Variants in EPHA6 observed in about 807,000 individuals in gnomAD.
EPHA6 encodes EPH receptor A6.
EPHA6 carries 50 observed loss-of-function variants against 112.0 expected under a neutral mutation model. That is an observed-to-expected ratio of 0.45 (90% confidence interval 0.36 to 0.56). The LOEUF (loss-of-function observed/expected upper bound fraction) is 0.56. EPHA6 is among the 20% of genes least tolerant of loss of function. The pLI, the probability that EPHA6 is intolerant of heterozygous loss-of-function variation, is 0.00. For synonymous variants in EPHA6, 529 were observed against 490.7 expected (o/e 1.08, Z -1.03); for missense variants, 1,280 against 1,417.4 (o/e 0.90, Z 1.56).
chr3:97,505,721 G>A (rs2092233478), intron 10 of EPHA6, among the ~76,000 whole-genome samples: 1 of 152,126 alleles, frequency 6.6e-6, no homozygotes, highest in South Asian at 2.1e-4. Context: ...GGATTGCTGG[G>A]TCAAATGGTA....
chr3:96,882,711 G>A (rs775254915), intron 2 of EPHA6, among the ~76,000 whole-genome samples: 90 of 148,242 alleles, frequency 6.1e-4, no homozygotes, highest in Non-Finnish European at 9.5e-4. Context: ...TTAAGGATTC[G>A]TAGTATTCCA....
Position 97,748,715 on chromosome 3 carries a change from A to G in EPHA6, c.*14A>G, listed in dbSNP as rs761087694. 1 of 1,405,412 alleles carries G rather than the reference A, an allele frequency of 7.1e-7. No individual in the cohort carries two copies. The highest frequency in any genetic ancestry group is 1.0e-6 in the Non-Finnish European group (1 of 991,322). The allele number at this position is 1,405,412 out of a possible 1,614,324, so 87.1% of individuals were successfully genotyped here. On this transcript the variant is annotated 3_prime_UTR_variant, in exon 18 of 18. Transcript: ENST00000389672. ...TTTCATGTATGAAAGTACCACAAGC[A>G]CCTGTGTTTTGTGCCTCAGCATTTC...
intron 3 of EPHA6, among the ~76,000 whole-genome samples, chr3:97,160,233 T>C (rs1037357070): frequency 2.6e-5 from 4 of 152,088 alleles, no homozygotes; most frequent in Non-Finnish European, 5.9e-5. Flanking sequence ...TCCTCCTCTG[T>C]GAAGGTCATT....
At chr3:97,488,629 G>T (rs1181622873) in intron 10 of EPHA6, among the ~76,000 whole-genome samples, 1 of 152,028 alleles carries the variant, frequency 6.6e-6, no homozygotes, top group African/African-American at 2.4e-5. Context: ...ACAAATGTAG[G>T]CAATATTCCA....
At chr3:97,100,063 T>C (rs1006330317) in intron 3 of EPHA6, among the ~76,000 whole-genome samples, 2 of 151,838 alleles carry the variant, frequency 1.3e-5, no homozygotes, top group Non-Finnish European at 2.9e-5. Flanking sequence ...CACAGTTTAT[T>C]TGGGTACTAT....
chr3:97,550,316 G>T (rs2093012282), intron 11 of EPHA6, among the ~76,000 whole-genome samples: 1 of 152,218 alleles, frequency 6.6e-6, no homozygotes, highest in Non-Finnish European at 1.5e-5. Context: ...CTTCCAAGAT[G>T]CCCTCTTGAA....
chr3:97,056,980 T>C (rs1334819199), intron 3 of EPHA6, among the ~76,000 whole-genome samples: 2 of 152,162 alleles, frequency 1.3e-5, no homozygotes, highest in African/African-American at 4.8e-5. Context: ...ATAAGAAAAT[T>C]TGAGAAATAG....
intron 12 of EPHA6, among the ~76,000 whole-genome samples, chr3:97,595,734 C>T (rs968876559): frequency 2.7e-5 from 4 of 150,918 alleles, no homozygotes; most frequent in African/African-American, 9.8e-5. Flanking sequence ...GGAGAATAAA[C>T]GAAATAAGAG....
At chr3:97,281,199 C>CTA (rs775586188) in intron 5 of EPHA6, among the ~76,000 whole-genome samples, 2 of 67,974 alleles carry the variant, frequency 2.9e-5, no homozygotes, top group African/African-American at 1.2e-4. Context: ...TTCAAAGAGT[C>CTA]TATGTGTGTG....
At chr3:97,662,516 A>G (rs2094176649) in intron 14 of EPHA6, among the ~76,000 whole-genome samples, 1 of 152,130 alleles carries the variant, frequency 6.6e-6, no homozygotes, top group African/African-American at 2.4e-5. Context: ...CTCTGAGAGA[A>G]TGCATCCCAG....
chr3:97,335,060 T>A (rs2082993365), intron 5 of EPHA6, among the ~76,000 whole-genome samples: 1 of 152,192 alleles, frequency 6.6e-6, no homozygotes, highest in Admixed American at 6.6e-5. Flanking sequence ...ACAACAGACA[T>A]GTGTTTCCAC....
chr3:97,074,323 A>C (rs1190678317), intron 3 of EPHA6, among the ~76,000 whole-genome samples: 1 of 151,996 alleles, frequency 6.6e-6, no homozygotes, highest in Non-Finnish European at 1.5e-5. Flanking sequence ...TATATTTTAG[A>C]TTTTTGATAC....
At chr3:97,623,523 G>A (rs2093830304) in intron 13 of EPHA6, among the ~76,000 whole-genome samples, 1 of 151,582 alleles carries the variant, frequency 6.6e-6, no homozygotes, top group Admixed American at 6.6e-5. Flanking sequence ...AAGCCCAAGG[G>A]TAATGGCTTA....
intron 3 of EPHA6, among the ~76,000 whole-genome samples, chr3:97,015,232 C>T (rs1052547947): frequency 1.3e-5 from 2 of 152,092 alleles, no homozygotes; most frequent in African/African-American, 4.8e-5. Context: ...TTGCTGAAAC[C>T]TTATACTGTA....
intron 5 of EPHA6, among the ~76,000 whole-genome samples, chr3:97,273,953 G>A (rs1177531029): frequency 2.0e-5 from 3 of 152,278 alleles, no homozygotes; most frequent in East Asian, 3.9e-4. Context: ...CTGGGCAGGG[G>A]CAAATCCCCG....
intron 2 of EPHA6, among the ~76,000 whole-genome samples, chr3:96,929,589 G>A (rs1346350423): frequency 6.6e-6 from 1 of 152,186 alleles, no homozygotes; most frequent in Non-Finnish European, 1.5e-5. Flanking sequence ...CTCCTGAGAG[G>A]TCTGCCGTTC....
chr3:97,206,412 A>C (rs768156361), intron 3 of EPHA6, among the ~76,000 whole-genome samples: 1 of 152,098 alleles, frequency 6.6e-6, no homozygotes, highest in African/African-American at 2.4e-5. Flanking sequence ...ATACCCTATT[A>C]GCTACCTTAT....
At chr3:97,645,847 G>A (rs1398603037) in intron 14 of EPHA6, among the ~76,000 whole-genome samples, 2 of 151,956 alleles carry the variant, frequency 1.3e-5, no homozygotes, top group Admixed American at 1.3e-4. Flanking sequence ...TTCTCTTGCT[G>A]TGTAACTATA....
At chr3:97,546,804 T>C (rs1479119572) in intron 11 of EPHA6, among the ~76,000 whole-genome samples, 1 of 152,226 alleles carries the variant, frequency 6.6e-6, no homozygotes, top group Non-Finnish European at 1.5e-5. Context: ...TCTCACTTTA[T>C]TTTGTTCATT....
Sources: allele counts gnomAD v4.1 joint callset (sites outside exome capture counted in the v4.1 genomes callset), GRCh38; gene constraint gnomAD v4.1.1; transcripts MANE v1.5; gene names NCBI Gene and HGNC (gene_info 2026-07-23, HGNC 2026-07-21).